Variants in LRRC1 observed in about 807,000 individuals in gnomAD.
The protein encoded by LRRC1 is leucine rich repeat containing 1.
In LRRC1, 28 loss-of-function variants were observed where a neutral mutation model predicts 69.9. The observed-to-expected ratio is 0.40, with a 90% confidence interval of 0.30 to 0.55. The LOEUF is 0.55. Among genes scored for constraint, LRRC1 ranks in the 20% least tolerant of loss-of-function variants. The probability of loss-of-function intolerance (pLI) is 0.47; values close to 1 mark genes in which losing one functional copy is unlikely to be tolerated. For missense variants in LRRC1, 498 were observed against 609.0 expected (o/e 0.82, Z 1.92); for synonymous variants, 236 against 240.2 (o/e 0.98, Z 0.16).
intron 2 of LRRC1, among the ~76,000 whole-genome samples, chr6:53,862,301 G>C: frequency 6.6e-6 from 1 of 151,472 alleles, no homozygotes; most frequent in East Asian, 2.0e-4. Context: ...GTGTGTGTGT[G>C]TGTGTGTGTG....
chr6:53,911,274 T>C (rs1768400225), intron 10 of LRRC1, among the ~76,000 whole-genome samples: 1 of 152,250 alleles, frequency 6.6e-6, no homozygotes, highest in Non-Finnish European at 1.5e-5. Flanking sequence ...TTAATGGATC[T>C]TGTCCAGAAC....
chr6:53,902,817 G>T, intron 9 of LRRC1, 70 bp downstream of exon 9: 1 of 929,304 alleles, frequency 1.1e-6, no homozygotes, highest in Non-Finnish European at 1.6e-6. Flanking sequence ...TAATTTGAGT[G>T]GACTAAATGG....
chr6:53,849,816 A>G (rs1006996589), intron 2 of LRRC1, among the ~76,000 whole-genome samples: 36 of 152,306 alleles, frequency 2.4e-4, no homozygotes, highest in Middle Eastern at 3.4e-3. Flanking sequence ...ATTTTTAAAA[A>G]CATAGTGGTG....
intron 2 of LRRC1, among the ~76,000 whole-genome samples, chr6:53,873,590 T>C (rs965984295): frequency 3.3e-5 from 5 of 152,076 alleles, no homozygotes; most frequent in African/African-American, 7.2e-5. Flanking sequence ...CGAGCCACCA[T>C]GCCCGGCCGG....
intron 1 of LRRC1, among the ~76,000 whole-genome samples, chr6:53,823,411 T>C (rs1248088416): frequency 6.6e-6 from 1 of 152,222 alleles, no homozygotes. Flanking sequence ...TGAAAAGTAG[T>C]GCTAGGGTTT....
intron 12 of LRRC1, 141 bp downstream of exon 12, chr6:53,919,811 G>A: frequency 3.1e-6 from 2 of 651,730 alleles, no homozygotes; most frequent in South Asian, 5.7e-5. Flanking sequence ...AGGCCACTGT[G>A]GGACTCTTCC....
At chr6:53,871,260 G>A (rs980710651) in intron 2 of LRRC1, among the ~76,000 whole-genome samples, 3 of 152,256 alleles carry the variant, frequency 2.0e-5, no homozygotes, top group African/African-American at 7.2e-5. Flanking sequence ...TCAGCAGTGT[G>A]TAAGAGGTTC....
intron 10 of LRRC1, among the ~76,000 whole-genome samples, chr6:53,905,819 T>C (rs1768215782): frequency 6.6e-6 from 1 of 152,244 alleles, no homozygotes; most frequent in Non-Finnish European, 1.5e-5. Flanking sequence ...ATCCTTAATA[T>C]GAACACTGTC....
intron 1 of LRRC1, among the ~76,000 whole-genome samples, chr6:53,834,819 A>C (rs191885544): frequency 1.3e-5 from 2 of 152,254 alleles, no homozygotes; most frequent in East Asian, 3.9e-4. Flanking sequence ...TAAACATACA[A>C]AAAATGGTGG....
At chr6:53,795,988 G>T (rs977562394) in intron 1 of LRRC1, among the ~76,000 whole-genome samples, 3 of 150,820 alleles carry the variant, frequency 2.0e-5, no homozygotes, top group African/African-American at 7.5e-5. Flanking sequence ...CGGTGGCTGC[G>T]GGGGTGGACG....
chr6:53,896,898 TC>T lies in LRRC1; in HGVS notation c.567+8del, dbSNP rs773011178. 1 of 1,553,922 alleles carries T rather than the reference TC, an allele frequency of 6.4e-7. No homozygotes were observed. Among genetic ancestry groups the T allele is most frequent in the African/African-American group, 1.4e-5 (1 of 73,658 alleles). On this transcript the variant is annotated splice_region_variant and intron_variant, in intron 6 of 13. Transcript: ENST00000370888. ...ACAATGAAATATATAATTTGGTAAG[TC>T]CGTATTAGAGATTTGAATTTAACTT... is the stretch of plus-strand genomic sequence containing the variant.
chr6:53,853,415 G>T (rs1581875082), intron 2 of LRRC1, among the ~76,000 whole-genome samples: 1 of 151,562 alleles, frequency 6.6e-6, no homozygotes, highest in East Asian at 1.9e-4. Flanking sequence ...CTCCTGAATA[G>T]CTGGGATTAC....
At chr6:53,797,297 T>C (rs1333766959) in intron 1 of LRRC1, among the ~76,000 whole-genome samples, 1 of 152,214 alleles carries the variant, frequency 6.6e-6, no homozygotes, top group Non-Finnish European at 1.5e-5. Flanking sequence ...CAGGTGATCT[T>C]GCTAATGGAT....
At chr6:53,916,115 A>G (rs1768557172) in intron 11 of LRRC1, among the ~76,000 whole-genome samples, 1 of 152,200 alleles carries the variant, frequency 6.6e-6, no homozygotes, top group Admixed American at 6.5e-5. Context: ...CTGTGACAGT[A>G]AAGAAAATGT....
chr6:53,896,491 T>C lies in LRRC1; in HGVS notation c.447-7T>C. ...TTATGCTTTTTTTTCCTTCTGTTCA[T>C]TTCTAGTCTTTATAACCTGGCTTCA... On this transcript the variant is annotated splice_polypyrimidine_tract_variant and splice_region_variant and intron_variant, in intron 4 of 13. Transcript: ENST00000370888. 6.2e-7 allele frequency: 1 copy of C among 1,611,734 alleles called. No homozygotes were observed. Among genetic ancestry groups the C allele is most frequent in the South Asian group, 1.1e-5 (1 of 91,016 alleles).
intron 3 of LRRC1, among the ~76,000 whole-genome samples, chr6:53,881,411 T>A (rs1767288831): frequency 6.6e-6 from 1 of 152,222 alleles, no homozygotes; most frequent in South Asian, 2.1e-4. Flanking sequence ...ATATTTTTCT[T>A]ATGTTTAAGA....
At chr6:53,831,301 A>G (rs1257065302) in intron 1 of LRRC1, among the ~76,000 whole-genome samples, 1 of 152,148 alleles carries the variant, frequency 6.6e-6, no homozygotes, top group Non-Finnish European at 1.5e-5. Flanking sequence ...CAAGTTGCAT[A>G]TTTAAATTGT....
intron 2 of LRRC1, among the ~76,000 whole-genome samples, chr6:53,874,006 C>T (rs1283302398): frequency 6.6e-6 from 1 of 152,212 alleles, no homozygotes; most frequent in East Asian, 1.9e-4. Context: ...GGCTGACCAG[C>T]ACTTTTCAGA....
chr6:53,874,416 CTAT>C (rs1363992151), intron 2 of LRRC1, among the ~76,000 whole-genome samples: 1 of 151,500 alleles, frequency 6.6e-6, no homozygotes, highest in South Asian at 2.1e-4. Flanking sequence ...CACAAATAAG[CTAT>C]TATATTTATG....
Sources: gnomAD v4.1 joint callset for allele counts (sites outside exome capture counted in the v4.1 genomes callset) on GRCh38, gnomAD v4.1.1 for gene constraint, MANE v1.5 for transcripts, NCBI Gene and HGNC (gene_info 2026-07-23, HGNC 2026-07-21) for gene names.